TMEM164: variants seen among roughly 807,000 people sequenced by gnomAD.
TMEM164 encodes the protein RP13-360B22.2.
In TMEM164, 4 loss-of-function variants were observed where a neutral mutation model predicts 18.8. The observed-to-expected ratio is 0.21, with a 90% CI of 0.10 to 0.49. TMEM164 has a LOEUF of 0.49. TMEM164 is among the 20% of genes least tolerant of loss of function. The pLI is 0.98. For synonymous variants in TMEM164, 86 were observed against 101.7 expected (o/e 0.85, Z 0.93); for missense variants, 108 against 239.9 (o/e 0.45, Z 3.63).
intron 2 of TMEM164, among the ~76,000 whole-genome samples, chrX:110,024,369 C>T (rs757187318): frequency 3.5e-4 from 39 of 110,791 alleles, no homozygotes; most frequent in African/African-American, 1.2e-3. Flanking sequence ...ACTGTAACCT[C>T]GAACTCTTGG....
intron 2 of TMEM164, among the ~76,000 whole-genome samples, chrX:110,052,198 C>T (rs961707152): frequency 3.6e-5 from 4 of 111,255 alleles, no homozygotes; most frequent in African/African-American, 6.6e-5. Flanking sequence ...AATCTCCTTC[C>T]GCTTCCCTCC....
chrX:110,016,174 A>C (rs749545023), intron 2 of TMEM164, among the ~76,000 whole-genome samples: 1 of 112,089 alleles, frequency 8.9e-6, no homozygotes, highest in Admixed American at 9.4e-5. Context: ...CAAATGTCTT[A>C]CTCCCTGCTT....
At chrX:110,088,761 A>G (rs1014470789) in intron 3 of TMEM164, among the ~76,000 whole-genome samples, 1 of 112,178 alleles carries the variant, frequency 8.9e-6, no homozygotes, top group African/African-American at 3.2e-5. Flanking sequence ...ATCTTCTCCA[A>G]GTCTCCCAGA....
At position 110,104,385 on chromosome X, in the gene TMEM164, A is replaced by G. The variant is rs2066155166; in HGVS notation, c.441-4695A>G. The stretch of plus-strand genomic sequence containing the variant: ...TTTCTCCAGTAAATGGTTGATCCCA[A>G]TAAAAAAGTGATCCTTGTGGTTCTC... On this transcript the variant is annotated intron_variant, in intron 3 of 6. Coordinates refer to ENST00000372068, the MANE Select transcript of TMEM164 (RefSeq NM_032227.4). 5.4e-5 allele frequency among the ~76,000 whole-genome samples: 6 copies of G among 111,816 alleles called. No homozygotes were observed. In the Admixed American group the frequency reaches 5.7e-4, roughly 11 times the overall value.
intron 4 of TMEM164, among the ~76,000 whole-genome samples, chrX:110,124,823 C>T (rs1273808468): frequency 1.8e-5 from 2 of 111,957 alleles, no homozygotes; most frequent in Non-Finnish European, 3.8e-5. Flanking sequence ...ACCACAAATC[C>T]ATTCCACCCC....
downstream of TMEM164, among the ~76,000 whole-genome samples, chrX:110,183,051 G>A (rs754683786): frequency 8.9e-6 from 1 of 112,317 alleles, no homozygotes; most frequent in African/African-American, 3.2e-5. Context: ...CCCTCCTGCA[G>A]TGGCTTCCTT....
downstream of TMEM164, among the ~76,000 whole-genome samples, chrX:110,181,444 TG>T (rs2067323632): frequency 8.9e-6 from 1 of 112,482 alleles, no homozygotes; most frequent in African/African-American, 3.2e-5. Flanking sequence ...GGTGGTGCTC[TG>T]GCCTTTTCCC....
chrX:110,140,564 T>A (rs1167834267), intron 4 of TMEM164, among the ~76,000 whole-genome samples: 1 of 111,280 alleles, frequency 9.0e-6, no homozygotes, highest in African/African-American at 3.3e-5. Context: ...GAGGTTGAGA[T>A]TCTTTCCACG....
In TMEM164 at chrX:110,130,821, G is replaced by A. The variant is rs184344288; in HGVS notation, c.508-13977G>A. Among the ~76,000 whole-genome samples, 918 of 111,627 alleles carry A rather than the reference G, an allele frequency of 8.2e-3. 8 individuals carry two copies. Among genetic ancestry groups the A allele is most frequent in the African/African-American group, 0.026 (805 of 30,725 alleles). On this transcript the variant is annotated intron_variant, in intron 4 of 6. Coordinates refer to ENST00000372068, the MANE Select transcript of TMEM164 (RefSeq NM_032227.4). The stretch of plus-strand genomic sequence containing the variant: ...ATTCTCTGTGTGTTGGGTTAGCCAG[G>A]AACTGCTGCAGGTTTAAGTTTACCA...
At chrX:110,090,201 C>T (rs1368713203) in intron 3 of TMEM164, among the ~76,000 whole-genome samples, 2 of 110,891 alleles carry the variant, frequency 1.8e-5, no homozygotes, top group Non-Finnish European at 3.8e-5. Flanking sequence ...CCACCAGCTG[C>T]AACCAGGGAA....
Position 110,144,872 on chromosome X carries a change from A to G in TMEM164, c.582A>G (p.Lys194=), listed in dbSNP as rs150071560. Residue 194 remains lysine (K), a synonymous_variant, in exon 5 of 7, where the codon AAA becomes AAG. Transcript: ENST00000372068. ...TGGTACCCATCTACCTGCTTTGGAA[A>G]GGAGGTAAGGCCAGCAAACCACATT... The part of the protein sequence containing the change: ...LYVVPIYLLW[K]GGAYTPEPLS... 4.7e-4 allele frequency: 568 copies of G among 1,199,512 alleles called. No individual in the cohort carries two copies. The highest frequency in any genetic ancestry group is 6.2e-4 in the Non-Finnish European group (549 of 887,328).
At chrX:110,105,731 C>G (rs867385383) in intron 3 of TMEM164, among the ~76,000 whole-genome samples, 44 of 86,647 alleles carry the variant, frequency 5.1e-4, no homozygotes, top group East Asian at 1.1e-3. Context: ...GACACACACA[C>G]AGAGAGAGAG....
chrX:110,043,192 A>G (rs1479310956), intron 2 of TMEM164, among the ~76,000 whole-genome samples: 1 of 112,916 alleles, frequency 8.9e-6, no homozygotes, highest in Non-Finnish European at 1.9e-5. Context: ...GTGTAGAATA[A>G]AACTAACACA....
intron 3 of TMEM164, among the ~76,000 whole-genome samples, chrX:110,095,554 A>G (rs1427091533): frequency 9.0e-6 from 1 of 111,267 alleles, no homozygotes; most frequent in Non-Finnish European, 1.9e-5. Context: ...TCTTCTCTAC[A>G]CTGTTTATTC....
At chrX:110,116,565 T>C (rs1039914345) in intron 4 of TMEM164, among the ~76,000 whole-genome samples, 2 of 111,843 alleles carry the variant, frequency 1.8e-5, no homozygotes. Flanking sequence ...GGATTCCAGT[T>C]GTACACAGAG....
rs758819834 is a variant in TMEM164, at chrX:110,161,526, C to T, written c.587-9894C>T. Among the ~76,000 whole-genome samples, 3 of 111,968 alleles carry T rather than the reference C, an allele frequency of 2.7e-5. No individual in the cohort carries two copies. The East Asian group carries it at 8.4e-4, about 31-fold the overall frequency. On this transcript the variant is annotated intron_variant, in intron 5 of 6. Coordinates refer to ENST00000372068, the MANE Select transcript of TMEM164 (RefSeq NM_032227.4). ...GGTGGGTAGGTGAGTTTCTGAAGAC[C>T]ACTGGATTGTCCCTGCTGAGGAAGA...
chrX:110,066,553 G>A (rs1018402809), intron 2 of TMEM164, among the ~76,000 whole-genome samples: 7 of 112,126 alleles, frequency 6.2e-5, no homozygotes, highest in Non-Finnish European at 1.3e-4. Flanking sequence ...TTCTTAATGG[G>A]GGAACCCAGG....
At chrX:110,096,636 C>A (rs145963552) in intron 3 of TMEM164, among the ~76,000 whole-genome samples, 3,185 of 112,252 alleles carry the variant, frequency 0.028, 118 homozygotes, top group African/African-American at 0.098. Flanking sequence ...TTGTTCTTCC[C>A]GGGTGAGGTG....
chrX:110,127,748 C>T (rs990478627), intron 4 of TMEM164, among the ~76,000 whole-genome samples: 1 of 111,799 alleles, frequency 8.9e-6, no homozygotes, highest in Non-Finnish European at 1.9e-5. Context: ...TGGGGGAGCT[C>T]CACCTTCTCT....
Sources: allele counts gnomAD v4.1 joint callset (sites outside exome capture counted in the v4.1 genomes callset), GRCh38; gene constraint gnomAD v4.1.1; transcripts MANE v1.5; gene names NCBI Gene and HGNC (gene_info 2026-07-23, HGNC 2026-07-21).